PAPPA: variants seen among roughly 807,000 people sequenced by gnomAD.
The protein encoded by PAPPA is pappalysin 1, also known as pappalysin-1.
In PAPPA, 60 loss-of-function variants were observed where a neutral mutation model predicts 164.0. The ratio of observed to expected loss-of-function variants is 0.37; its 90% CI spans 0.30 to 0.45. The LOEUF is 0.45. Among genes scored for constraint, PAPPA ranks in the 20% least tolerant of loss-of-function variants. The probability of loss-of-function intolerance (pLI) is 1.00; values close to 1 mark genes in which losing one functional copy is unlikely to be tolerated. For synonymous variants in PAPPA, 875 were observed against 814.1 expected, an observed-to-expected ratio of 1.07 and a Z score of -1.27; for missense variants, 1,782 against 2,087.3, an observed-to-expected ratio of 0.85 and a Z score of 2.85.
chr9:116,399,912 C>T lies in PAPPA; in HGVS notation c.*3296C>T, dbSNP rs892016766. The T allele has an allele frequency of 1.3e-5, 2 of 152,554 alleles. No homozygotes were observed. The highest frequency in any genetic ancestry group is 2.9e-5 in the Non-Finnish European group (2 of 68,020). The allele number at this position is 152,554 out of a possible 1,614,324, so 9.5% of individuals were successfully genotyped here. ...TCCCATCCTGGCCAATGCTTAAATA[C>T]TATTTGTTGAAAATAATTCTTTGAG... On this transcript the variant is annotated 3_prime_UTR_variant, in exon 22 of 22. Transcript: ENST00000328252.
chr9:116,341,207 ATTTTT>A (rs1179206830), intron 13 of PAPPA, among the ~76,000 whole-genome samples: 1 of 151,698 alleles, frequency 6.6e-6, no homozygotes, highest in Non-Finnish European at 1.5e-5. Context: ...CTCCCAGCTA[ATTTTT>A]TTATTTTTAC....
chr9:116,329,568 AC>A (rs1845963887), intron 10 of PAPPA, among the ~76,000 whole-genome samples: 1 of 151,858 alleles, frequency 6.6e-6, no homozygotes, highest in South Asian at 2.1e-4. Context: ...GGCAACTACC[AC>A]CCTGAATTTG....
intron 8 of PAPPA, among the ~76,000 whole-genome samples, chr9:116,269,320 CTGG>C (rs1365299196): frequency 6.6e-6 from 1 of 152,194 alleles, no homozygotes; most frequent in Non-Finnish European, 1.5e-5. Context: ...AGATTCTCAT[CTGG>C]ATTCCCCATT....
chr9:116,335,612 C>T (rs1392848118), intron 13 of PAPPA, among the ~76,000 whole-genome samples: 1 of 152,194 alleles, frequency 6.6e-6, no homozygotes, highest in African/African-American at 2.4e-5. Context: ...TGTCTTTCAA[C>T]TGCATGACAT....
chr9:116,302,969 G>A lies in PAPPA; in HGVS notation c.3147+19G>A, dbSNP rs747187311. The A allele has an allele frequency of 1.9e-6, 3 of 1,608,748 alleles. No homozygotes were observed. The highest frequency in any genetic ancestry group is 2.5e-6 in the Non-Finnish European group (3 of 1,176,778). ...ATCCCAGGTAAGATCCTAACCATGT[G>A]TGGCATTTCCTGCAGACATTCAAAG... On this transcript the variant is annotated intron_variant, in intron 10 of 21. Transcript: ENST00000328252.
rs1846296995 is a variant in PAPPA at position 116,352,601 on chromosome 9, G to A, written c.3965-105G>A. The A allele has an allele frequency of 8.3e-6, 7 of 847,296 alleles. No homozygotes were observed. In the Admixed American group the frequency reaches 9.5e-5, roughly 11 times the overall value. 52.5% of individuals were successfully genotyped at this position (847,296 alleles called of 1,614,324 possible). A position where few individuals can be genotyped will look rare whatever the true frequency, so the allele number is the denominator to read the frequency against. On this transcript the variant is annotated intron_variant, in intron 15 of 21. Transcript: ENST00000328252. ...TAGAAGGGGTTGGAATTCCACATAA[G>A]GGATCTCCTGGTTCTTCAAGTCAGC...
chr9:116,161,591 A>G (rs935549733), intron 1 of PAPPA, among the ~76,000 whole-genome samples: 5 of 152,058 alleles, frequency 3.3e-5, no homozygotes, highest in African/African-American at 4.8e-5. Flanking sequence ...TAGGTGTGAT[A>G]TGATATTGTT....
At chr9:116,155,670 AAGCTGTG>A (rs1843593355) in intron 1 of PAPPA, among the ~76,000 whole-genome samples, 1 of 152,184 alleles carries the variant, frequency 6.6e-6, no homozygotes, top group Non-Finnish European at 1.5e-5. Context: ...TTAGAAGGGA[AAGCTGTG>A]AGCTCTCCGG....
At position 116,398,778 on chromosome 9, in the gene PAPPA, A is replaced by G. The variant is rs1278676651; in HGVS notation, c.*2162A>G. The G allele has an allele frequency of 9.1e-6, 4 of 440,166 alleles. No individual in the cohort carries two copies. The East Asian group carries it at 2.1e-4, about 23-fold the overall frequency. The allele number at this position is 440,166 out of a possible 1,614,324, so 27.3% of individuals were successfully genotyped here. A position where few individuals can be genotyped will look rare whatever the true frequency, so the allele number is the denominator to read the frequency against. ...CTCTATGTTTCTTCCTCACAAAACC[A>G]TATCTCATTTATATCCAGACCATTA... On this transcript the variant is annotated 3_prime_UTR_variant, in exon 22 of 22. Coordinates refer to ENST00000328252, the MANE Select transcript of PAPPA (RefSeq NM_002581.5).
chr9:116,225,179 A>C (rs561377189), intron 5 of PAPPA, among the ~76,000 whole-genome samples: 2 of 152,362 alleles, frequency 1.3e-5, no homozygotes, highest in South Asian at 2.1e-4. Flanking sequence ...TTCATCCCAG[A>C]ACATTTGTAA....
At chr9:116,299,363 C>G (rs1256531079) in intron 9 of PAPPA, among the ~76,000 whole-genome samples, 2 of 152,138 alleles carry the variant, frequency 1.3e-5, no homozygotes, top group Non-Finnish European at 2.9e-5. Context: ...CTACCTGTGT[C>G]TATTTCTACC....
At chr9:116,320,591 T>C (rs1399086405) in intron 10 of PAPPA, among the ~76,000 whole-genome samples, 1 of 152,122 alleles carries the variant, frequency 6.6e-6, no homozygotes, top group Non-Finnish European at 1.5e-5. Context: ...CCCTTTCCCC[T>C]CTATCTCTTT....
chr9:116,166,212 C>T lies in PAPPA; in HGVS notation c.415+11625C>T, dbSNP rs534986555. ...AAGTCAGAAGGGAAAAGAAATCTGG[C>T]CTTCCAAAACAGAAGGGGAAGGGGA... On this transcript the variant is annotated intron_variant, in intron 1 of 21. Coordinates refer to ENST00000328252, the MANE Select transcript of PAPPA (RefSeq NM_002581.5). 5.9e-5 allele frequency among the ~76,000 whole-genome samples: 9 copies of T among 152,254 alleles called. No homozygotes were observed. In the East Asian group the frequency reaches 1.7e-3, roughly 29 times the overall value.
rs1257263228 is a variant in PAPPA at position 116,398,133 on chromosome 9, A to G, written c.*1517A>G. ...CCAAAAGTTAAGTGAAAATTAGTCA[A>G]CTGCACGTGGAAGCCCCCACCACTT... On this transcript the variant is annotated 3_prime_UTR_variant, in exon 22 of 22. Coordinates refer to ENST00000328252, the MANE Select transcript of PAPPA (RefSeq NM_002581.5). 6.5e-6 allele frequency: 1 copy of G among 153,170 alleles called. No individual in the cohort carries two copies. Among genetic ancestry groups the G allele is most frequent in the Non-Finnish European group, 1.5e-5 (1 of 68,862 alleles). The allele number at this position is 153,170 out of a possible 1,614,324, so 9.5% of individuals were successfully genotyped here. A position where few individuals can be genotyped will look rare whatever the true frequency, so the allele number is the denominator to read the frequency against.
intron 10 of PAPPA, among the ~76,000 whole-genome samples, chr9:116,308,008 G>A (rs1004685144): frequency 1.3e-5 from 2 of 152,132 alleles, no homozygotes; most frequent in African/African-American, 2.4e-5. Flanking sequence ...TTCATGTCAG[G>A]TTTCCTTCTT....
chr9:116,252,071 C>T (rs982081888), intron 7 of PAPPA, among the ~76,000 whole-genome samples: 11 of 152,190 alleles, frequency 7.2e-5, no homozygotes, highest in African/African-American at 2.7e-4. Context: ...AAGGCCTTGG[C>T]TGCAAACTGT....
At position 116,401,454 on chromosome 9, in the gene PAPPA, T is replaced by TG. The variant is rs1327270378; in HGVS notation, c.*4839dup. Reference sequence around the variant, plus strand: ...CACCAGCAGTCAGTGAGGAAAACTTTGAACAATTATTGAGTTGCTTTCTTG... The same window carrying TG: ...CACCAGCAGTCAGTGAGGAAAACTTTGGAACAATTATTGAGTTGCTTTCTTG... On this transcript the variant is annotated 3_prime_UTR_variant, in exon 22 of 22. Coordinates refer to ENST00000328252, the MANE Select transcript of PAPPA (RefSeq NM_002581.5). The TG allele has an allele frequency of 1.2e-4, 19 of 152,572 alleles. 1 individual carries two copies. The highest frequency in any genetic ancestry group is 7.9e-4 in the Admixed American group (12 of 15,254). 9.5% of individuals were successfully genotyped at this position (152,572 alleles called of 1,614,324 possible). A position where few individuals can be genotyped will look rare whatever the true frequency, so the allele number is the denominator to read the frequency against.
chr9:116,180,367 A>T (rs7026018), intron 1 of PAPPA, among the ~76,000 whole-genome samples: 76,223 of 151,686 alleles, frequency 0.5, 20,591 homozygotes, highest in Non-Finnish European at 0.61. Flanking sequence ...GAGAGTTAGA[A>T]TTGTGATTCT....
In PAPPA at chr9:116,219,961, C is replaced by T. The variant is rs750437131; in HGVS notation, c.1943C>T (p.Thr648Met). ...YADDDCTDSF[T>M]PNQVARMHCY... ...GATGACGACTGTACGGACTCCTTCA[C>T]GCCCAATCAAGTCGCCAGAATGCAC... Residue 648 changes from threonine (T) to methionine (M), a missense_variant, in exon 5 of 22, where the codon ACG becomes ATG. Coordinates refer to ENST00000328252, the MANE Select transcript of PAPPA (RefSeq NM_002581.5). 8 of 1,613,656 alleles carry T rather than the reference C, an allele frequency of 5.0e-6. No individual in the cohort carries two copies. Among genetic ancestry groups the T allele is most frequent in the Non-Finnish European group, 3.4e-6 (4 of 1,179,814 alleles).
Sources: allele counts gnomAD v4.1 joint callset (sites outside exome capture counted in the v4.1 genomes callset), GRCh38; gene constraint gnomAD v4.1.1; transcripts MANE v1.5; gene names NCBI Gene and HGNC (gene_info 2026-07-23, HGNC 2026-07-21).